ARHGEF10L: variants seen among roughly 807,000 people sequenced by gnomAD.
ARHGEF10L encodes the protein Rho guanine nucleotide exchange factor 10 like, also known as rho guanine nucleotide exchange factor 10-like protein.
In ARHGEF10L, 69 loss-of-function variants were observed where a neutral mutation model predicts 141.2. The ratio of observed to expected loss-of-function variants is 0.49; its 90% CI spans 0.40 to 0.60. ARHGEF10L has a LOEUF of 0.60. Ranked by LOEUF, ARHGEF10L falls within the 20% of genes least tolerant of loss-of-function variation. ARHGEF10L has a pLI of 0.00. For missense variants in ARHGEF10L, 1,482 were observed against 1,734.3 expected (o/e 0.85, Z 2.58); for synonymous variants, 711 against 718.5 (o/e 0.99, Z 0.17).
rs543473295 is a variant in ARHGEF10L, at chr1:17,674,195, G to A, written c.3009+9600G>A. Reference sequence around the variant, plus strand: ...CCCAAAATCTCCCCTTTTTTCCCACGCCAGCTCTTCCCTTCTGCCTGACCC... The same window carrying A: ...CCCAAAATCTCCCCTTTTTTCCCACACCAGCTCTTCCCTTCTGCCTGACCC... On this transcript the variant is annotated intron_variant, in intron 26 of 28. Coordinates refer to ENST00000361221, the MANE Select transcript of ARHGEF10L (RefSeq NM_018125.4). Among the ~76,000 whole-genome samples the A allele has an allele frequency of 9.9e-5, 15 of 151,802 alleles. 1 individual carries two copies. The highest frequency in any genetic ancestry group is 3.1e-4 in the African/African-American group (13 of 41,396).
Position 17,616,144 on chromosome 1 carries a change from G to A in ARHGEF10L, c.777G>A (p.Glu259=). 6.2e-7 allele frequency: 1 copy of A among 1,613,462 alleles called. No individual in the cohort carries two copies. Among genetic ancestry groups the A allele is most frequent in the Non-Finnish European group, 8.5e-7 (1 of 1,179,800 alleles). ...AGAGCGGGACCAAGGATGGGCTGGA[G>A]AAGACACGGATGGCCGTGATGCGCA... ...AAKSGTKDGL[E]KTRMAVMRKV... is the part of the protein sequence containing the mutation. Residue 259 remains glutamate (E), a synonymous_variant, in exon 9 of 29, where the codon GAG becomes GAA. Transcript: ENST00000361221.
Position 17,586,081 on chromosome 1 carries a change from C to T in ARHGEF10L, c.38-1379C>T, listed in dbSNP as rs1293728355. On this transcript the variant is annotated intron_variant, in intron 2 of 28. Coordinates refer to ENST00000361221, the MANE Select transcript of ARHGEF10L (RefSeq NM_018125.4). ...CCCTGGGCCTGTAGGGTGTAGAAGC[C>T]AGGGATGCTGCTAATCGTCCTACAG... 2.0e-5 allele frequency among the ~76,000 whole-genome samples: 3 copies of T among 152,172 alleles called. No homozygotes were observed. The South Asian group carries it at 6.2e-4, about 32-fold the overall frequency.
upstream of ARHGEF10L, among the ~76,000 whole-genome samples, chr1:17,539,158 C>T (rs889682338): frequency 1.3e-5 from 2 of 152,072 alleles, no homozygotes; most frequent in Non-Finnish European, 1.5e-5. This position sits in a 1 kb window ranked among gnomAD's most constrained non-coding sequence, Gnocchi z 6.0. Flanking sequence ...TGCCTGAACC[C>T]GCCAGGGTTG....
chr1:17,696,783 C>T, intron 28 of ARHGEF10L, 65 bp from the exon 29 acceptor site: 1 of 1,454,534 alleles, frequency 6.9e-7, no homozygotes, highest in Non-Finnish European at 9.2e-7. Flanking sequence ...AGGAGAGAGA[C>T]TCAGGTGCTT....
intron 26 of ARHGEF10L, among the ~76,000 whole-genome samples, chr1:17,678,361 A>G (rs1359260921): frequency 6.6e-6 from 1 of 151,580 alleles, no homozygotes; most frequent in East Asian, 1.9e-4. Context: ...ATACTTCAAG[A>G]TGCTTTTTCT....
At chr1:17,599,507 G>T (rs1229764228) in intron 4 of ARHGEF10L, among the ~76,000 whole-genome samples, 1 of 152,132 alleles carries the variant, frequency 6.6e-6, no homozygotes, top group South Asian at 2.1e-4. Flanking sequence ...TGTTCCAGCC[G>T]GAAGAGTTTG....
chr1:17,559,034 G>C (rs1369888970), intron 1 of ARHGEF10L, among the ~76,000 whole-genome samples: 2 of 152,190 alleles, frequency 1.3e-5, no homozygotes, highest in Admixed American at 6.5e-5. Flanking sequence ...TTGGGGTGTG[G>C]GGGGAGCAGA....
intron 27 of ARHGEF10L, chr1:17,694,322 T>A (rs1277626240): frequency 6.4e-6 from 1 of 156,242 alleles, no homozygotes; most frequent in African/African-American, 2.4e-5. Context: ...CAGAGGAGTT[T>A]AGGATGGGCC....
At chr1:17,590,725 G>A (rs1181230467) in intron 4 of ARHGEF10L, among the ~76,000 whole-genome samples, 2 of 152,124 alleles carry the variant, frequency 1.3e-5, no homozygotes, top group East Asian at 1.9e-4. Flanking sequence ...AGTGGCTCAC[G>A]CCTGTAATCC....
chr1:17,656,699 C>G lies in ARHGEF10L; in HGVS notation c.2851C>G (p.Arg951Gly). 1.2e-6 allele frequency: 2 copies of G among 1,612,500 alleles called. No homozygotes were observed. Among genetic ancestry groups the G allele is most frequent in the African/African-American group, 1.3e-5 (1 of 75,008 alleles). The change falls in exon 25 of 29, where the codon CGG (arginine) becomes GGG (glycine). Residue 951 changes from arginine (R) to glycine (G), a missense_variant. Transcript: ENST00000361221. This position sits in a 1 kb window ranked among gnomAD's most constrained non-coding sequence, Gnocchi z 4.9. ...GGATGGGACCCTTGCTGCTTACCCT[C>G]GGACCAGCGGTGAGGACTGGGGGGA... ...LQDGTLAAYP[R>G]TSGGVLWDLE...
chr1:17,588,789 C>A (rs1447067005), intron 4 of ARHGEF10L, among the ~76,000 whole-genome samples: 2 of 149,340 alleles, frequency 1.3e-5, no homozygotes, highest in Non-Finnish European at 3.0e-5. Flanking sequence ...GAAGGGGAAA[C>A]AATGAGAGCA....
intron 26 of ARHGEF10L, among the ~76,000 whole-genome samples, chr1:17,679,723 G>T (rs1325165127): frequency 6.6e-6 from 1 of 152,364 alleles, no homozygotes; most frequent in East Asian, 1.9e-4. Flanking sequence ...GTGACCCCGG[G>T]TCTGAATTCG....
Position 17,603,260 on chromosome 1 carries a change from G to A in ARHGEF10L, c.350-248G>A, listed in dbSNP as rs984958174. ...CCATTAGCCAGATGGGCAGGCCTGCGGGCAGCAGGGAGCCAGGTGGGGTCT... is the reference window on the plus strand; with the variant it reads ...CCATTAGCCAGATGGGCAGGCCTGCAGGCAGCAGGGAGCCAGGTGGGGTCT... On this transcript the variant is annotated intron_variant, in intron 5 of 28. Coordinates refer to ENST00000361221, the MANE Select transcript of ARHGEF10L (RefSeq NM_018125.4). The surrounding 1 kb of genome is among the most constrained non-coding windows in gnomAD (Gnocchi z 4.8). Among the ~76,000 whole-genome samples the A allele has an allele frequency of 3.4e-5, 5 of 147,776 alleles. No individual in the cohort carries two copies. In the South Asian group the frequency reaches 6.4e-4, roughly 19 times the overall value.
In ARHGEF10L at chr1:17,623,929, G is replaced by A. The variant is rs900404932; in HGVS notation, c.1201-458G>A. On this transcript the variant is annotated intron_variant, in intron 12 of 28. Coordinates refer to ENST00000361221, the MANE Select transcript of ARHGEF10L (RefSeq NM_018125.4). This position sits in a 1 kb window ranked among gnomAD's most constrained non-coding sequence, Gnocchi z 4.7. ...AGAGAGAGTTGATTGACTCCAGGCC[G>A]ACCATCCCTCCCTTGGTAACTCAAC... 2.6e-5 allele frequency among the ~76,000 whole-genome samples: 4 copies of A among 152,186 alleles called. No homozygotes were observed. The highest frequency in any genetic ancestry group is 7.2e-5 in the African/African-American group (3 of 41,452).
At chr1:17,624,573 T>A in intron 13 of ARHGEF10L, 70 bp downstream of exon 13, 1 of 1,310,826 alleles carries the variant, frequency 7.6e-7, no homozygotes, top group Admixed American at 1.7e-5. Flanking sequence ...AAGGGAGCAT[T>A]TTGGCCCCAG....
chr1:17,634,797 G>A (rs772286888), intron 17 of ARHGEF10L, 38 bp from the exon 18 acceptor site: 2 of 1,569,384 alleles, frequency 1.3e-6, no homozygotes, highest in Non-Finnish European at 1.7e-6. Flanking sequence ...CAGGGTGGCT[G>A]CAGCCTCTCC....
At chr1:17,632,298 G>A (rs745643477) in intron 15 of ARHGEF10L, 23 bp from the exon 16 acceptor site, 2 of 1,612,760 alleles carry the variant, frequency 1.2e-6, no homozygotes, top group South Asian at 1.1e-5. Flanking sequence ...TGCTGATGCT[G>A]ACCTTCCCTG....
the ARHGEF10L span, among the ~76,000 whole-genome samples, chr1:17,514,674 C>T: frequency 6.6e-6 from 1 of 152,200 alleles, no homozygotes; most frequent in Admixed American, 6.5e-5. Flanking sequence ...AATTTTCAAT[C>T]AGAAGATTTA....
At chr1:17,562,533 TAG>T (rs1199811707) in intron 1 of ARHGEF10L, among the ~76,000 whole-genome samples, 2 of 152,208 alleles carry the variant, frequency 1.3e-5, no homozygotes, top group Non-Finnish European at 2.9e-5. Flanking sequence ...CTGGTTTTAG[TAG>T]AGTCTCAGAA....
Sources: allele counts gnomAD v4.1 joint callset (sites outside exome capture counted in the v4.1 genomes callset), GRCh38; gene constraint gnomAD v4.1.1; non-coding constraint Gnocchi (gnomAD v3.1); transcripts MANE v1.5; gene names NCBI Gene and HGNC (gene_info 2026-07-23, HGNC 2026-07-21).